Variants in STK3 observed in about 807,000 individuals in gnomAD.
STK3 encodes serine/threonine kinase 3, also known as serine/threonine-protein kinase 3.
A neutral mutation model predicts 58.0 loss-of-function variants in STK3; 41 were observed. The ratio of observed to expected loss-of-function variants is 0.71; its 90% CI spans 0.55 to 0.92. The LOEUF (loss-of-function observed/expected upper bound fraction) is 0.92. Ranked by LOEUF, STK3 falls within the 40% of genes least tolerant of loss-of-function variation. The pLI, the probability that STK3 is intolerant of heterozygous loss-of-function variation, is 0.00. For missense variants in STK3, 479 were observed against 602.7 expected, an observed-to-expected ratio of 0.79 and a Z score of 2.15; for synonymous variants, 170 against 191.0, an observed-to-expected ratio of 0.89 and a Z score of 0.91.
At position 98,539,306 on chromosome 8, in the gene STK3, T is replaced by C. The variant is rs546468805; in HGVS notation, c.1141+8663A>G. ...GGGAAAAAAGGGAGGAAGGAAAGGA[T>C]ATGAGAACCGAGAGAAAGATATTAC... On this transcript the variant is annotated intron_variant, in intron 9 of 10. Transcript: ENST00000419617. Among the ~76,000 whole-genome samples, 6 of 152,286 alleles carry C rather than the reference T, an allele frequency of 3.9e-5. No homozygotes were observed. In the South Asian group the frequency reaches 1.2e-3, roughly 32 times the overall value.
At chr8:98,598,567 A>G in intron 6 of STK3, 1 of 985,370 alleles carries the variant, frequency 1.0e-6, no homozygotes, top group Non-Finnish European at 1.2e-6. Flanking sequence ...TAACCTAATA[A>G]TGAACCACAG....
chr8:98,468,370 GACAAATGT>G lies in STK3; in HGVS notation c.1318-12378_1318-12371del, dbSNP rs1366619377. 6.6e-5 allele frequency among the ~76,000 whole-genome samples: 10 copies of G among 152,174 alleles called. No individual in the cohort carries two copies. In the East Asian group the frequency reaches 1.9e-3, roughly 29 times the overall value. On this transcript the variant is annotated intron_variant, in intron 10 of 10. Coordinates refer to ENST00000419617, the MANE Select transcript of STK3 (RefSeq NM_006281.4). ...TATTTAATTTTCCCAGCTACTGACA[GACAAATGT>G]ACAAATTAAACTAAAACACCCATGA...
intron 6 of STK3, among the ~76,000 whole-genome samples, chr8:98,695,146 C>T (rs1330135021): frequency 1.3e-5 from 2 of 152,198 alleles, no homozygotes; most frequent in African/African-American, 4.8e-5. Context: ...GCATAAATGT[C>T]TTCTCTGAGA....
intron 1 of STK3, among the ~76,000 whole-genome samples, chr8:98,385,742 A>C (rs58670093): frequency 0.075 from 11,388 of 152,170 alleles, 1,023 homozygotes; most frequent in African/African-American, 0.18. Flanking sequence ...TGTGCCCCCC[A>C]CACCCTGAAA....
chr8:98,628,927 T>C (rs1004662037), intron 6 of STK3, among the ~76,000 whole-genome samples: 1 of 151,714 alleles, frequency 6.6e-6, no homozygotes, highest in Non-Finnish European at 1.5e-5. Context: ...CATTAAATCA[T>C]CTTGTTTGGC....
At chr8:98,772,863 A>G (rs908195339) in intron 2 of STK3, among the ~76,000 whole-genome samples, 5 of 152,094 alleles carry the variant, frequency 3.3e-5, no homozygotes, top group Non-Finnish European at 5.9e-5. Context: ...TGCTTTTTGC[A>G]GTGTCTGCAG....
chr8:98,644,739 TAATTA>T (rs935229472), intron 6 of STK3, among the ~76,000 whole-genome samples: 3 of 152,220 alleles, frequency 2.0e-5, no homozygotes, highest in Admixed American at 6.5e-5. Context: ...TTTATTATTT[TAATTA>T]AATTAACTGA....
At chr8:98,723,001 C>G in intron 4 of STK3, 1 of 379,532 alleles carries the variant, frequency 2.6e-6, no homozygotes, top group South Asian at 2.1e-5. Context: ...ATTGTGGACA[C>G]CATTGATTGG....
intron 3 of STK3, among the ~76,000 whole-genome samples, chr8:98,878,402 A>G (rs1215633477): frequency 6.6e-6 from 1 of 152,132 alleles, no homozygotes; most frequent in African/African-American, 2.4e-5. Context: ...TAACTTCCTC[A>G]TAAAGCAACC....
intron 6 of STK3, among the ~76,000 whole-genome samples, chr8:98,661,791 A>G (rs1821983381): frequency 1.3e-5 from 2 of 152,100 alleles, no homozygotes; most frequent in Non-Finnish European, 2.9e-5. Context: ...CTACTTTTAT[A>G]CATGCTTACC....
chr8:98,546,815 C>A (rs1810735834), intron 9 of STK3, among the ~76,000 whole-genome samples: 1 of 152,056 alleles, frequency 6.6e-6, no homozygotes, highest in Admixed American at 6.6e-5. Flanking sequence ...CATACTCCAC[C>A]CCCAGGATTA....
chr8:98,355,257 T>C, the STK3 span, among the ~76,000 whole-genome samples: 2 of 152,216 alleles, frequency 1.3e-5, no homozygotes, highest in Non-Finnish European at 2.9e-5. Context: ...GCTGGAATTT[T>C]CTCTCTCTCC....
chr8:98,363,655 T>C, the STK3 span, among the ~76,000 whole-genome samples: 1 of 152,394 alleles, frequency 6.6e-6, no homozygotes, highest in East Asian at 1.9e-4. Flanking sequence ...TGCAGTCTAG[T>C]TGCAGTTGGT....
At chr8:98,592,733 C>A (rs995371534) in intron 7 of STK3, among the ~76,000 whole-genome samples, 229 of 139,614 alleles carry the variant, frequency 1.6e-3, no homozygotes, top group African/African-American at 5.6e-3. Context: ...CACTGACTTA[C>A]TTTATTTATT....
chr8:98,860,771 C>T (rs1448902707), intron 3 of STK3, among the ~76,000 whole-genome samples: 4 of 152,188 alleles, frequency 2.6e-5, no homozygotes, highest in South Asian at 4.1e-4. Flanking sequence ...AATCTGGACA[C>T]GGGGTGGATG....
At chr8:98,484,282 T>C (rs1822075390) in intron 10 of STK3, among the ~76,000 whole-genome samples, 1 of 152,202 alleles carries the variant, frequency 6.6e-6, no homozygotes, top group Admixed American at 6.5e-5. Flanking sequence ...AGTTTTAGTT[T>C]GATACCAAAG....
chr8:98,776,919 G>GA (rs2131501706), intron 1 of STK3, among the ~76,000 whole-genome samples: 2 of 151,988 alleles, frequency 1.3e-5, no homozygotes, highest in South Asian at 4.2e-4. Context: ...GCATGGTGGC[G>GA]GGTACCTGTA....
At chr8:98,418,102 G>A (rs1051121660) in intron 3 of STK3, among the ~76,000 whole-genome samples, 4 of 152,080 alleles carry the variant, frequency 2.6e-5, no homozygotes, top group Non-Finnish European at 4.4e-5. Flanking sequence ...TGTAGAAATG[G>A]GATCTCATTA....
chr8:98,926,325 T>C lies in STK3; in HGVS notation c.-79+16053A>G, dbSNP rs950678248. 6.6e-5 allele frequency among the ~76,000 whole-genome samples: 10 copies of C among 152,158 alleles called. No individual in the cohort carries two copies. The East Asian group carries it at 7.7e-4, about 12-fold the overall frequency. The stretch of plus-strand genomic sequence containing the variant: ...GTTCTTATATTTGGGGAATCATTCA[T>C]TGTGAAATAAAAACCTATTCATTGA... On this transcript the variant is annotated intron_variant, in intron 1 of 1. Coordinates refer to the STK3 transcript ENST00000519420.
Sources: gnomAD v4.1 joint callset for allele counts (sites outside exome capture counted in the v4.1 genomes callset) on GRCh38, gnomAD v4.1.1 for gene constraint, MANE v1.5 for transcripts, NCBI Gene and HGNC (gene_info 2026-07-23, HGNC 2026-07-21) for gene names.